The following LHPP variants were observed in gnomAD, a reference collection of about 807,000 sequenced individuals.
LHPP encodes phospholysine phosphohistidine inorganic pyrophosphate phosphatase, also known as hLHPP.
Under a neutral mutation model 30.3 loss-of-function variants are expected in LHPP, and 24 were observed. The ratio of observed to expected loss-of-function variants is 0.79; its 90% CI spans 0.57 to 1.11. The LOEUF (loss-of-function observed/expected upper bound fraction) is 1.11, where lower values mean the gene tolerates loss of function less well. LHPP is among the 50% of genes most tolerant of loss of function. The pLI, the probability that LHPP is intolerant of heterozygous loss-of-function variation, is 0.00. For synonymous variants in LHPP, 150 were observed against 157.1 expected, an observed-to-expected ratio of 0.95 and a Z score of 0.34; for missense variants, 356 against 367.2, an observed-to-expected ratio of 0.97 and a Z score of 0.25.
intron 6 of LHPP, among the ~76,000 whole-genome samples, chr10:124,579,486 A>G (rs1452250785): frequency 6.6e-6 from 1 of 151,130 alleles, no homozygotes; most frequent in Non-Finnish European, 1.5e-5. Context: ...CTGTCCCACA[A>G]TTTATATTCC....
At chr10:124,471,464 TTTATATA>T (rs1287397729) in intron 1 of LHPP, among the ~76,000 whole-genome samples, 1 of 3,656 alleles carries the variant, frequency 2.7e-4, no homozygotes, top group African/African-American at 3.4e-4. Context: ...TTTATATATA[TTTATATA>T]TTATATATAT....
At chr10:124,540,170 C>T (rs550444776) in intron 6 of LHPP, among the ~76,000 whole-genome samples, 4 of 152,138 alleles carry the variant, frequency 2.6e-5, no homozygotes, top group Non-Finnish European at 5.9e-5. Flanking sequence ...TGTGTCTGTG[C>T]GCTTCGGTGG....
intron 6 of LHPP, among the ~76,000 whole-genome samples, chr10:124,599,954 G>C (rs184567539): frequency 1.3e-5 from 2 of 152,238 alleles, no homozygotes; most frequent in Non-Finnish European, 2.9e-5. Context: ...GGGTAGGATA[G>C]GTCCTGAAGA....
rs913934904 is a variant in LHPP, at chr10:124,534,570, C to T, written c.716+17299C>T. Among the ~76,000 whole-genome samples, 10 of 152,360 alleles carry T rather than the reference C, an allele frequency of 6.6e-5. No individual in the cohort carries two copies. The South Asian group carries it at 1.9e-3, about 28-fold the overall frequency. On this transcript the variant is annotated intron_variant, in intron 6 of 6. Transcript: ENST00000368842. ...ATTGACCTGCCTGGGCCACTTCACC[C>T]CTGCATGCTTCCTTCCCTGTCTGTA...
chr10:124,599,867 G>T (rs996172273), intron 6 of LHPP, among the ~76,000 whole-genome samples: 1 of 152,236 alleles, frequency 6.6e-6, no homozygotes, highest in African/African-American at 2.4e-5. Flanking sequence ...CATTCTGGAA[G>T]GTCCCAACTG....
At chr10:124,511,983 C>T (rs1954312372) in intron 5 of LHPP, among the ~76,000 whole-genome samples, 1 of 151,588 alleles carries the variant, frequency 6.6e-6, no homozygotes. Context: ...ACCTCACCTC[C>T]TCTGGGAGGC....
intron 6 of LHPP, among the ~76,000 whole-genome samples, chr10:124,545,656 T>G (rs1158349140): frequency 6.6e-6 from 1 of 151,336 alleles, no homozygotes; most frequent in Admixed American, 6.6e-5. Flanking sequence ...GGGGGCGGGG[T>G]GGGGTGGAAG....
rs530373987 is a variant in LHPP, at chr10:124,497,929, C to A, written c.532-107C>A. On this transcript the variant is annotated intron_variant, in intron 4 of 6. Coordinates refer to ENST00000368842, the MANE Select transcript of LHPP (RefSeq NM_022126.4). Reference sequence around the variant, plus strand: ...TCAGGCCCACAGCATCCTGCTTCTTCAAGGCCCTTGACTCTTGGGGGCACA... The same window carrying A: ...TCAGGCCCACAGCATCCTGCTTCTTAAAGGCCCTTGACTCTTGGGGGCACA... 12 of 866,704 alleles carry A rather than the reference C, an allele frequency of 1.4e-5. No homozygotes were observed. In the African/African-American group the frequency reaches 1.8e-4, roughly 13 times the overall value. 53.7% of individuals were successfully genotyped at this position (866,704 alleles called of 1,614,324 possible). A position where few individuals can be genotyped will look rare whatever the true frequency, so the allele number is the denominator to read the frequency against.
Position 124,575,537 on chromosome 10 carries a change from T to G in LHPP, c.717-37727T>G, listed in dbSNP as rs572375129. 4.2e-4 allele frequency among the ~76,000 whole-genome samples: 63 copies of G among 151,656 alleles called. 1 individual carries two copies. The highest frequency in any genetic ancestry group is 2.3e-3 in the Admixed American group (35 of 15,276). ...CCCCTGATTTTCCATGACAGTCCCC[T>G]GTGCCCATGTCCTGCAGCCTCTCCT... On this transcript the variant is annotated intron_variant, in intron 6 of 6. Transcript: ENST00000368842.
At chr10:124,475,904 G>A (rs772854663) in intron 1 of LHPP, among the ~76,000 whole-genome samples, 5 of 152,122 alleles carry the variant, frequency 3.3e-5, no homozygotes, top group Non-Finnish European at 7.4e-5. Flanking sequence ...TGAGACACTC[G>A]GGCTGTGTGG....
At position 124,571,793 on chromosome 10, in the gene LHPP, C is replaced by T. The variant is rs529148105; in HGVS notation, c.717-41471C>T. Among the ~76,000 whole-genome samples, 11 of 152,302 alleles carry T rather than the reference C, an allele frequency of 7.2e-5. No individual in the cohort carries two copies. The East Asian group carries it at 1.5e-3, about 21-fold the overall frequency. ...CATCAGTCAGAGACACAGGCCTTTG[C>T]TGTGGCCTCACATGCTAGCAGAGGA... On this transcript the variant is annotated intron_variant, in intron 6 of 6. Coordinates refer to ENST00000368842, the MANE Select transcript of LHPP (RefSeq NM_022126.4).
intron 6 of LHPP, among the ~76,000 whole-genome samples, chr10:124,538,880 G>A (rs1303266850): frequency 1.3e-5 from 2 of 152,224 alleles, no homozygotes; most frequent in Non-Finnish European, 2.9e-5. Flanking sequence ...TCCTGCAGCC[G>A]TGGCGTGGCA....
chr10:124,574,401 C>T (rs1333688422), intron 6 of LHPP, among the ~76,000 whole-genome samples: 1 of 152,136 alleles, frequency 6.6e-6, no homozygotes, highest in African/African-American at 2.4e-5. Context: ...ATAGTCCCCT[C>T]GAGTCCCCAG....
chr10:124,531,427 C>G (rs1954901098), intron 6 of LHPP, among the ~76,000 whole-genome samples: 2 of 152,226 alleles, frequency 1.3e-5, no homozygotes, highest in Admixed American at 1.3e-4. Context: ...TCCATACACC[C>G]TTCTCCCAGA....
intron 6 of LHPP, among the ~76,000 whole-genome samples, chr10:124,540,817 G>A (rs1955165435): frequency 6.6e-6 from 1 of 152,126 alleles, no homozygotes; most frequent in African/African-American, 2.4e-5. Flanking sequence ...CTAAGTTCTG[G>A]CCCTAGATCT....
chr10:124,481,391 T>TTTTTTTTG (rs1564776208), intron 1 of LHPP, among the ~76,000 whole-genome samples: 2 of 140,786 alleles, frequency 1.4e-5, no homozygotes, highest in Non-Finnish European at 1.5e-5. Context: ...TTTTTTTTTT[T>TTTTTTTTG]TTTGCGACAG....
chr10:124,546,465 C>T (rs956571788), intron 6 of LHPP, among the ~76,000 whole-genome samples: 35 of 152,322 alleles, frequency 2.3e-4, no homozygotes, highest in African/African-American at 4.3e-4. Flanking sequence ...TGCAGTGGCG[C>T]GATCTCGGCT....
intron 6 of LHPP, among the ~76,000 whole-genome samples, chr10:124,609,738 G>A (rs1042806038): frequency 2.6e-5 from 4 of 152,178 alleles, no homozygotes; most frequent in African/African-American, 9.7e-5. Context: ...CTCTCTGTAA[G>A]TCAGTCCTGC....
intron 6 of LHPP, among the ~76,000 whole-genome samples, chr10:124,556,392 G>A (rs1056342459): frequency 3.1e-4 from 47 of 152,372 alleles, no homozygotes; most frequent in African/African-American, 9.9e-4. Flanking sequence ...CTGCTCCCGC[G>A]TGTGGACGCA....
Sources: gnomAD v4.1 joint callset for allele counts (sites outside exome capture counted in the v4.1 genomes callset) on GRCh38, gnomAD v4.1.1 for gene constraint, MANE v1.5 for transcripts, NCBI Gene and HGNC (gene_info 2026-07-23, HGNC 2026-07-21) for gene names.